KAT14: variants seen among roughly 807,000 people sequenced by gnomAD.
KAT14 encodes lysine acetyltransferase 14.
KAT14 carries 66 observed loss-of-function variants against 78.4 expected under a neutral mutation model. That is an observed-to-expected ratio of 0.84 (90% CI 0.69 to 1.03). The LOEUF is 1.03. Ranked by LOEUF, KAT14 falls within the 50% of genes least tolerant of loss-of-function variation. The pLI is 0.00. For missense variants in KAT14, 870 were observed against 972.5 expected (o/e 0.89, Z 1.40); for synonymous variants, 344 against 359.4 (o/e 0.96, Z 0.48).
chr20:18,156,813 T>A (rs529281707), intron 4 of KAT14, among the ~76,000 whole-genome samples: 2 of 152,318 alleles, frequency 1.3e-5, no homozygotes, highest in East Asian at 3.9e-4. Flanking sequence ...AGGACACCAG[T>A]CATATTGGAT....
intron 1 of KAT14, among the ~76,000 whole-genome samples, chr20:18,138,983 G>T (rs2037414997): frequency 6.6e-6 from 1 of 151,914 alleles, no homozygotes; most frequent in Admixed American, 6.6e-5. Flanking sequence ...GTTCACCAAG[G>T]GTGAAAATAA....
In KAT14 at chr20:18,142,399, TGTGTGTGTGTTGATGGAGA is replaced by T; in HGVS notation, c.-259_-241del. 1 of 1,519,554 alleles carries T rather than the reference TGTGTGTGTGTTGATGGAGA, an allele frequency of 6.6e-7. No individual in the cohort carries two copies. The highest frequency in any genetic ancestry group is 8.8e-7 in the Non-Finnish European group (1 of 1,136,252). The allele number at this position is 1,519,554 out of a possible 1,614,324, so 94.1% of individuals were successfully genotyped here. ...CTGTTGGACAGACAACACGAGTTTGTGTGTGTGTGTTGATGGAGAGTAGCTTAGTAGTATCTTCATCTTT... is the reference window on the plus strand; with the variant it reads ...CTGTTGGACAGACAACACGAGTTTGTGTAGCTTAGTAGTATCTTCATCTTT... On this transcript the variant is annotated 5_prime_UTR_variant, in exon 2 of 11. It removes an upstream start codon present in the reference 5' UTR. Coordinates refer to ENST00000688188, the MANE Select transcript of KAT14 (RefSeq NM_001392073.1).
intron 1 of KAT14, 36 bp from the exon 2 acceptor site, chr20:18,142,172 C>A (rs888716284): frequency 2.0e-6 from 3 of 1,527,710 alleles, no homozygotes; most frequent in Non-Finnish European, 2.6e-6. Context: ...ACCACCTGTT[C>A]GGGATGTTAC....
Position 18,162,669 on chromosome 20 carries a change from C to G in KAT14, c.1392C>G (p.Ile464Met), listed in dbSNP as rs748799943. Residue 464 changes from isoleucine (I) to methionine (M), a missense_variant, in exon 7 of 11, where the codon ATC becomes ATG. Coordinates refer to ENST00000688188, the MANE Select transcript of KAT14 (RefSeq NM_001392073.1). ...PKEPRYTPVS[I>M]YEEKLLLKRL... is the part of the protein sequence containing the mutation. ...AGCCCAGGTATACTCCCGTGAGCAT[C>G]TACGAGGAAAAGCTGCTGCTCAAGA... The G allele has an allele frequency of 6.2e-7, 1 of 1,614,232 alleles. No individual in the cohort carries two copies. Among genetic ancestry groups the G allele is most frequent in the East Asian group, 2.2e-5 (1 of 44,894 alleles).
At chr20:18,144,923 G>C (rs974171277) in intron 2 of KAT14, among the ~76,000 whole-genome samples, 3 of 152,176 alleles carry the variant, frequency 2.0e-5, no homozygotes, top group African/African-American at 4.8e-5. Context: ...TTTTTTGAAA[G>C]AATGTGTGAA....
At chr20:18,168,788 A>G (rs1006195381) in intron 7 of KAT14, among the ~76,000 whole-genome samples, 1 of 151,940 alleles carries the variant, frequency 6.6e-6, no homozygotes, top group Non-Finnish European at 1.5e-5. Context: ...GGTATTTTAT[A>G]TGCTTCTTGG....
chr20:18,164,247 A>G (rs1460775111), intron 7 of KAT14, among the ~76,000 whole-genome samples: 2 of 152,130 alleles, frequency 1.3e-5, no homozygotes, highest in African/African-American at 4.8e-5. Flanking sequence ...ATCGTTTAGG[A>G]GGTAAACTGA....
rs757581637 is a variant in KAT14 at position 18,162,593 on chromosome 20, G to A, written c.1316G>A (p.Arg439Lys). The A allele has an allele frequency of 5.6e-6, 9 of 1,614,044 alleles. No individual in the cohort carries two copies. The highest frequency in any genetic ancestry group is 1.6e-4 in the Middle Eastern group (1 of 6,084). ...DTDSNTSLQT[R>K]AREKRKPQLE... is the part of the protein sequence containing the mutation. ...GATTCAAACACATCTTTGCAAACAAGGGCTAGAGAAAAGAGGAAGCCTCAG... is the reference window on the plus strand; with the variant it reads ...GATTCAAACACATCTTTGCAAACAAAGGCTAGAGAAAAGAGGAAGCCTCAG... The change falls in exon 7 of 11, where the codon AGG becomes AAG. Residue 439 changes from arginine (R) to lysine (K), a missense_variant. By Grantham distance (26) the Arg-to-Lys change is conservative. Transcript: ENST00000688188.
chr20:18,171,149 T>A (rs1247589647), intron 7 of KAT14, among the ~76,000 whole-genome samples: 1 of 152,184 alleles, frequency 6.6e-6, no homozygotes, highest in Non-Finnish European at 1.5e-5. Flanking sequence ...AATCAAAATT[T>A]CAACATTTAC....
Position 18,181,786 on chromosome 20 carries a change from T to G in KAT14, c.1745T>G (p.Met582Arg), listed in dbSNP as rs761430420. 2 of 1,614,112 alleles carry G rather than the reference T, an allele frequency of 1.2e-6. No homozygotes were observed. The highest frequency in any genetic ancestry group is 2.7e-5 in the African/African-American group (2 of 74,948). ...TATCGCTTGGTAGGATCAGAAGATATGGCTGTGGACCAGAGTATTGTCAGC... is the reference window on the plus strand; with the variant it reads ...TATCGCTTGGTAGGATCAGAAGATAGGGCTGTGGACCAGAGTATTGTCAGC... ...FLYRLVGSED[M>R]AVDQSIVSPY... The change falls in exon 8 of 11, where the codon ATG becomes AGG. Residue 582 changes from methionine (M) to arginine (R), a missense_variant. By Grantham distance (91) the Met-to-Arg change is moderately conservative. Transcript: ENST00000688188.
chr20:18,173,414 C>T (rs1417931912), intron 7 of KAT14, among the ~76,000 whole-genome samples: 1 of 152,198 alleles, frequency 6.6e-6, no homozygotes, highest in Non-Finnish European at 1.5e-5. Flanking sequence ...TACGGATCTA[C>T]AAGAGTTCTT....
At chr20:18,169,627 C>T (rs1466309414) in intron 7 of KAT14, among the ~76,000 whole-genome samples, 3 of 152,160 alleles carry the variant, frequency 2.0e-5, no homozygotes, top group Non-Finnish European at 4.4e-5. Context: ...CTCCCTGTTC[C>T]CTGAGACAAC....
At position 18,151,578 on chromosome 20, in the gene KAT14, G is replaced by A. The variant is rs975785706; in HGVS notation, c.500+636G>A. On this transcript the variant is annotated intron_variant, in intron 4 of 10. Transcript: ENST00000688188. ...GGGCTCAAACAGCTCTCCTGCCTTAGCCTTCCAAAGTGCTGGGATTATGGT... is the reference window on the plus strand; with the variant it reads ...GGGCTCAAACAGCTCTCCTGCCTTAACCTTCCAAAGTGCTGGGATTATGGT... 2.6e-5 allele frequency among the ~76,000 whole-genome samples: 4 copies of A among 152,210 alleles called. No homozygotes were observed. The East Asian group carries it at 7.7e-4, about 29-fold the overall frequency.
rs1304267093 is a variant in KAT14 at position 18,176,548 on chromosome 20, C to T, written c.1669-5162C>T. Among the ~76,000 whole-genome samples the T allele has an allele frequency of 2.0e-5, 3 of 152,278 alleles. No individual in the cohort carries two copies. The East Asian group carries it at 5.8e-4, about 29-fold the overall frequency. On this transcript the variant is annotated intron_variant, in intron 7 of 10. Coordinates refer to ENST00000688188, the MANE Select transcript of KAT14 (RefSeq NM_001392073.1). ...CTGCTCTATGGGGGTTCAGGACGGC[C>T]TCTCTGAGGAGGCAGCACTTGAACT...
At chr20:18,184,489 T>TTTG in intron 9 of KAT14, 113 bp from the exon 10 acceptor site, 3 of 881,136 alleles carry the variant, frequency 3.4e-6, no homozygotes, top group South Asian at 5.7e-5. Flanking sequence ...TTTGGTGTTT[T>TTTG]TTTTTTTTTT....
chr20:18,170,035 G>A (rs2038791703), intron 7 of KAT14, among the ~76,000 whole-genome samples: 1 of 152,228 alleles, frequency 6.6e-6, no homozygotes, highest in South Asian at 2.1e-4. Flanking sequence ...AAGGGAGGAA[G>A]CTACAGAAGA....
rs184983681 is a variant in KAT14 at position 18,174,287 on chromosome 20, A to G, written c.1669-7423A>G. On this transcript the variant is annotated intron_variant, in intron 7 of 10. Transcript: ENST00000688188. ...ATACTGCTTTGAACATATGTATACA[A>G]GTTTTTGTGTGGACACACATTTTTA... Among the ~76,000 whole-genome samples the G allele has an allele frequency of 3.2e-3, 494 of 152,328 alleles. 4 individuals carry two copies. The highest frequency in any genetic ancestry group is 3.4e-3 in the Non-Finnish European group (234 of 68,030).
intron 7 of KAT14, among the ~76,000 whole-genome samples, chr20:18,163,632 C>G (rs957970841): frequency 6.6e-6 from 1 of 152,088 alleles, no homozygotes; most frequent in Non-Finnish European, 1.5e-5. Context: ...CTGGTTGTTT[C>G]TTTGTGAATT....
chr20:18,169,848 A>T (rs954002455), intron 7 of KAT14, among the ~76,000 whole-genome samples: 1 of 152,266 alleles, frequency 6.6e-6, no homozygotes, highest in Non-Finnish European at 1.5e-5. Context: ...CTTGAAGGTC[A>T]TTAAAGGTGC....
Sources: gnomAD v4.1 joint callset for allele counts (sites outside exome capture counted in the v4.1 genomes callset) on GRCh38, gnomAD v4.1.1 for gene constraint, MANE v1.5 for transcripts, NCBI Gene and HGNC (gene_info 2026-07-23, HGNC 2026-07-21) for gene names.